The following SERPING1 variants were observed in gnomAD, a reference collection of about 807,000 sequenced individuals.
The protein encoded by SERPING1 is plasma protease C1 inhibitor.
A neutral mutation model predicts 34.1 loss-of-function variants in SERPING1; 5 were observed. That is an observed-to-expected ratio of 0.15 (90% CI 0.08 to 0.31). SERPING1 has a LOEUF of 0.31. Ranked by LOEUF, SERPING1 falls within the 10% of genes least tolerant of loss-of-function variation. The pLI is 1.00. For missense variants in SERPING1, 505 were observed against 609.5 expected, an observed-to-expected ratio of 0.83 and a Z score of 1.81; for synonymous variants, 225 against 242.4, an observed-to-expected ratio of 0.93 and a Z score of 0.67.
chr11:57,602,679 T>C (rs1209798870), intron 4 of SERPING1, among the ~76,000 whole-genome samples: 1 of 140,772 alleles, frequency 7.1e-6, no homozygotes, highest in East Asian at 2.2e-4. Context: ...TGCTTGAACC[T>C]GGGAGGCGGA....
intron 4 of SERPING1, among the ~76,000 whole-genome samples, chr11:57,603,581 G>A (rs1200862137): frequency 6.6e-6 from 1 of 151,630 alleles, no homozygotes; most frequent in African/African-American, 2.4e-5. Flanking sequence ...GCTCATGCCT[G>A]TAATCCCAGC....
chr11:57,602,156 C>T lies in SERPING1; in HGVS notation c.672C>T (p.Ile224=), dbSNP rs753336030. 2 of 1,614,222 alleles carry T rather than the reference C, an allele frequency of 1.2e-6. No individual in the cohort carries two copies. Among genetic ancestry groups the T allele is most frequent in the Admixed American group, 1.7e-5 (1 of 60,028 alleles). Reference sequence around the variant, plus strand: ...AAGGTGTCACCTCAGTCTCTCAGATCTTCCACAGCCCAGGTGAGTGCCCAG... The same window carrying T: ...AAGGTGTCACCTCAGTCTCTCAGATTTTCCACAGCCCAGGTGAGTGCCCAG... ...TTKGVTSVSQ[I]FHSPDLAIRD... Residue 224 remains isoleucine, a synonymous_variant, in exon 4 of 8, where the codon ATC becomes ATT. Transcript: ENST00000278407.
At chr11:57,611,168 T>A (rs1282879531) in intron 6 of SERPING1, 1 of 162,534 alleles carries the variant, frequency 6.2e-6, no homozygotes, top group African/African-American at 2.4e-5. Flanking sequence ...CTTGACCTCG[T>A]GATCCGCCCA....
rs199640608 is a variant in SERPING1, at chr11:57,600,232, T to C, written c.405T>C (p.Ser135=). 6.2e-7 allele frequency: 1 copy of C among 1,613,698 alleles called. No individual in the cohort carries two copies. The highest frequency in any genetic ancestry group is 8.5e-7 in the Non-Finnish European group (1 of 1,179,982). The change falls in exon 3 of 8, where the codon AGT becomes AGC. Residue 135 remains serine (S), a synonymous_variant. Coordinates refer to ENST00000278407, the MANE Select transcript of SERPING1 (RefSeq NM_000062.3). The part of the protein sequence containing the change: ...GPVTLCSDLE[S]HSTEAVLGDA... ...TTACTCTCTGCTCTGACTTGGAGAGTCATTCAACAGAGGCCGTGTTGGGGG... is the reference window on the plus strand; with the variant it reads ...TTACTCTCTGCTCTGACTTGGAGAGCCATTCAACAGAGGCCGTGTTGGGGG...
chr11:57,612,797 C>T (rs7114432), intron 7 of SERPING1, among the ~76,000 whole-genome samples: 8,401 of 151,676 alleles, frequency 0.055, 725 homozygotes, highest in African/African-American at 0.18. Context: ...CAGGCTGGAG[C>T]GCAGTGGCAT....
intron 6 of SERPING1, 162 bp downstream of exon 6, chr11:57,606,709 A>T (rs541444110): frequency 2.4e-6 from 2 of 836,684 alleles, no homozygotes; most frequent in South Asian, 1.4e-5. Flanking sequence ...TCCTTTCTCT[A>T]GCCTTGGCCA....
At chr11:57,599,742 C>G in intron 2 of SERPING1, 137 bp from the exon 3 acceptor site, 4 of 1,192,616 alleles carry the variant, frequency 3.4e-6, no homozygotes, top group Non-Finnish European at 4.9e-6. Context: ...ACAGATTGCT[C>G]ATCTGCCGCA....
intron 4 of SERPING1, among the ~76,000 whole-genome samples, chr11:57,605,001 T>TA (rs957069447): frequency 8.9e-4 from 128 of 144,510 alleles, no homozygotes; most frequent in Non-Finnish European, 8.1e-4. Flanking sequence ...ACCCTGTCTC[T>TA]AAAAAAAAAA....
intron 4 of SERPING1, among the ~76,000 whole-genome samples, chr11:57,604,065 GAGGTTGC>G (rs920360935): frequency 6.6e-6 from 1 of 150,540 alleles, no homozygotes; most frequent in African/African-American, 2.4e-5. Flanking sequence ...CTGGGAGACA[GAGGTTGC>G]AGTCAGCTGA....
At chr11:57,605,910 A>T (rs1025999785) in intron 4 of SERPING1, 100 bp from the exon 5 acceptor site, 3 of 1,106,196 alleles carry the variant, frequency 2.7e-6, no homozygotes, top group Non-Finnish European at 4.2e-6. Flanking sequence ...TCACTAAGTG[A>T]GCAGATAGAA....
intron 4 of SERPING1, chr11:57,605,630 G>A: frequency 9.4e-6 from 2 of 212,646 alleles, no homozygotes; most frequent in South Asian, 1.4e-4. Flanking sequence ...CAGAGCAAAA[G>A]CCAGGAAGTT....
At position 57,606,155 on chromosome 11, in the gene SERPING1, G is replaced by T. The variant is rs991399138; in HGVS notation, c.831G>T (p.Leu277=). 2 of 1,614,166 alleles carry T rather than the reference G, an allele frequency of 1.2e-6. No homozygotes were observed. The highest frequency in any genetic ancestry group is 1.7e-6 in the Non-Finnish European group (2 of 1,180,026). The part of the protein sequence containing the change: ...AKNTNNKISR[L]LDSLPSDTRL... ...ACACCAACAACAAGATCAGCCGGCT[G>T]CTAGACAGTCTGCCCTCCGATACCC... Residue 277 remains leucine, a synonymous_variant, in exon 5 of 8, where the codon CTG becomes CTT. Coordinates refer to ENST00000278407, the MANE Select transcript of SERPING1 (RefSeq NM_000062.3).
At chr11:57,606,960 T>C (rs1945416950) in intron 6 of SERPING1, among the ~76,000 whole-genome samples, 1 of 152,196 alleles carries the variant, frequency 6.6e-6, no homozygotes, top group Admixed American at 6.5e-5. Flanking sequence ...TGCATATATG[T>C]GGTAAGTGCA....
Position 57,600,002 on chromosome 11 carries a change from A to C in SERPING1, c.175A>C (p.Ile59Leu), listed in dbSNP as rs1450426015. 1 of 1,614,082 alleles carries C rather than the reference A, an allele frequency of 6.2e-7. No homozygotes were observed. The highest frequency in any genetic ancestry group is 8.5e-7 in the Non-Finnish European group (1 of 1,180,048). Residue 59 changes from isoleucine to leucine, a missense_variant, in exon 3 of 8, where the codon ATC becomes CTC. By Grantham distance (5) the Ile-to-Leu change is conservative. Transcript: ENST00000278407. ...VISKMLFVEP[I>L]LEVSSLPTTN... ...CTCCAAGATGCTATTCGTTGAACCC[A>C]TCCTGGAGGTTTCCAGCTTGCCGAC... is the stretch of plus-strand genomic sequence containing the variant.
chr11:57,605,651 C>T (rs902881383), intron 4 of SERPING1: 3 of 226,938 alleles, frequency 1.3e-5, no homozygotes, highest in African/African-American at 7.0e-5. Flanking sequence ...TTGTCACAAA[C>T]TTCCACCAAG....
Position 57,606,488 on chromosome 11 carries a change from A to G in SERPING1, c.970A>G (p.Met324Val), listed in dbSNP as rs1388995600. The change falls in exon 6 of 8, where the codon ATG (methionine) becomes GTG (valine). Residue 324 changes from methionine (M) to valine (V), a missense_variant. By Grantham distance (21) the Met-to-Val change is conservative. Transcript: ENST00000278407. ...HFKNSVIKVP[M>V]MNSKKYPVAH... ...CAAAAACTCAGTTATAAAAGTGCCC[A>G]TGATGAATAGCAAGAAGTACCCTGT... is the stretch of plus-strand genomic sequence containing the variant. The G allele has an allele frequency of 1.9e-6, 3 of 1,614,202 alleles. No homozygotes were observed. Among genetic ancestry groups the G allele is most frequent in the Admixed American group, 1.7e-5 (1 of 60,014 alleles).
intron 7 of SERPING1, among the ~76,000 whole-genome samples, chr11:57,612,424 G>A (rs1055432061): frequency 1.4e-5 from 2 of 140,722 alleles, no homozygotes; most frequent in Non-Finnish European, 3.1e-5. Context: ...TTTTTTTTGA[G>A]ACGGAGTCTT....
At position 57,598,332 on chromosome 11, in the gene SERPING1, C is replaced by T; in HGVS notation, c.51+11C>T. 2 of 1,557,414 alleles carry T rather than the reference C, an allele frequency of 1.3e-6. No individual in the cohort carries two copies. Among genetic ancestry groups the T allele is most frequent in the Non-Finnish European group, 8.7e-7 (1 of 1,153,328 alleles). On this transcript the variant is annotated intron_variant, in intron 2 of 7. Transcript: ENST00000278407. Reference sequence around the variant, plus strand: ...CTGCTGCTGGCTGGGGTATGTGGTCCCTTGTGGGATGGGGGACGGGGGTGG... The same window carrying T: ...CTGCTGCTGGCTGGGGTATGTGGTCTCTTGTGGGATGGGGGACGGGGGTGG...
chr11:57,609,220 G>A (rs1226787941), intron 6 of SERPING1, among the ~76,000 whole-genome samples: 1 of 152,122 alleles, frequency 6.6e-6, no homozygotes, highest in East Asian at 1.9e-4. Context: ...AGAGGTTACA[G>A]TGAGCCAAAA....
Sources: gnomAD v4.1 joint callset for allele counts (sites outside exome capture counted in the v4.1 genomes callset) on GRCh38, gnomAD v4.1.1 for gene constraint, MANE v1.5 for transcripts, NCBI Gene and HGNC (gene_info 2026-07-23, HGNC 2026-07-21) for gene names.